SLC4A2: variants seen among roughly 807,000 people sequenced by gnomAD.
The protein encoded by SLC4A2 is anion exchange protein 2.
Under a neutral mutation model 115.0 loss-of-function variants are expected in SLC4A2, and 36 were observed. That is an observed-to-expected ratio of 0.31 (90% CI 0.24 to 0.41). SLC4A2 has a LOEUF of 0.41. Ranked by LOEUF, SLC4A2 falls within the 10% of genes least tolerant of loss-of-function variation. The probability of loss-of-function intolerance (pLI) is 1.00; values close to 1 mark genes in which losing one functional copy is unlikely to be tolerated. For synonymous variants in SLC4A2, 708 were observed against 708.3 expected, an observed-to-expected ratio of 1.00 and a Z score of 0.01; for missense variants, 1,252 against 1,705.6, an observed-to-expected ratio of 0.73 and a Z score of 4.68.
chr7:151,068,492 T>C (rs1797313176), intron 8 of SLC4A2, among the ~76,000 whole-genome samples: 1 of 152,068 alleles, frequency 6.6e-6, no homozygotes, highest in South Asian at 2.1e-4. Flanking sequence ...GCAGCTGAGG[T>C]TCTGTGGTTT....
chr7:151,061,723 GCCC>G (rs1167471016), intron 1 of SLC4A2, 199 bp from the exon 2 acceptor site: 1 of 471,902 alleles, frequency 2.1e-6, no homozygotes. Flanking sequence ...GCCCTTTTCG[GCCC>G]CCCTCGCCTC....
At position 151,075,682 on chromosome 7, in the gene SLC4A2, A is replaced by G. The variant is rs1797603493; in HGVS notation, c.3378A>G (p.Gly1126=). The G allele has an allele frequency of 6.2e-7, 1 of 1,611,842 alleles. No homozygotes were observed. Among genetic ancestry groups the G allele is most frequent in the Non-Finnish European group, 8.5e-7 (1 of 1,178,972 alleles). Residue 1126 remains glycine (G), a synonymous_variant, in exon 21 of 23, where the codon GGA becomes GGG. Transcript: ENST00000413384. Reference sequence around the variant, plus strand: ...TCTTTGGAATTTTCCTGTACATGGGAGTCACCTCCCTTAACGGGATCCAGT... The same window carrying G: ...TCTTTGGAATTTTCCTGTACATGGGGGTCACCTCCCTTAACGGGATCCAGT... The part of the protein sequence containing the change: ...AVLFGIFLYM[G]VTSLNGIQFY...
At position 151,070,767 on chromosome 7, in the gene SLC4A2, G is replaced by A. The variant is rs763187216; in HGVS notation, c.1605G>A (p.Val535=). The change falls in exon 12 of 23, where the codon GTG becomes GTA. Residue 535 remains valine (V), a synonymous_variant. Coordinates refer to ENST00000413384, the MANE Select transcript of SLC4A2 (RefSeq NM_003040.4). The part of the protein sequence containing the change: ...EFLSRPTMAF[V]RLREAVELDA... ...TCTCCCGCCCCACCATGGCCTTTGTGCGGCTCCGGGAGGCTGTGGAGTTGG... is the reference window on the plus strand; with the variant it reads ...TCTCCCGCCCCACCATGGCCTTTGTACGGCTCCGGGAGGCTGTGGAGTTGG... The A allele has an allele frequency of 4.3e-6, 7 of 1,613,950 alleles. No homozygotes were observed. The highest frequency in any genetic ancestry group is 1.1e-5 in the South Asian group (1 of 91,084).
In SLC4A2 at chr7:151,074,200, C is replaced by T. The variant is rs760547145; in HGVS notation, c.2697C>T (p.Asn899=). 1.9e-6 allele frequency: 3 copies of T among 1,613,096 alleles called. No homozygotes were observed. The highest frequency in any genetic ancestry group is 3.3e-5 in the Admixed American group (2 of 60,028). The change falls in exon 17 of 23, where the codon AAC becomes AAT. Residue 899 remains asparagine, a synonymous_variant. Transcript: ENST00000413384. ...SGQGKPRGQP[N]TALLSLVLMA... ...AGGGGAAGCCCCGGGGCCAGCCCAA[C>T]ACGGCCCTGCTGTCGCTGGTGCTCA...
intron 7 of SLC4A2, among the ~76,000 whole-genome samples, chr7:151,067,215 A>C (rs1797266044): frequency 6.6e-6 from 1 of 152,186 alleles, no homozygotes; most frequent in African/African-American, 2.4e-5. Flanking sequence ...CAGCCTCCTG[A>C]GTAGCTGGGA....
intron 2 of SLC4A2, chr7:151,062,993 C>A: frequency 7.0e-7 from 1 of 1,427,296 alleles, no homozygotes. Flanking sequence ...CTTGGAGATC[C>A]CGATGCCCTT....
chr7:151,074,636 C>A, intron 18 of SLC4A2, 39 bp from the exon 19 acceptor site: 1 of 1,576,742 alleles, frequency 6.3e-7, no homozygotes, highest in East Asian at 2.2e-5. Flanking sequence ...CCTCCACATT[C>A]ACCTTAACCC....
In SLC4A2 at chr7:151,076,484, C is replaced by T. The variant is rs1265639798; in HGVS notation, c.*117C>T. On this transcript the variant is annotated 3_prime_UTR_variant, in exon 23 of 23. Coordinates refer to ENST00000413384, the MANE Select transcript of SLC4A2 (RefSeq NM_003040.4). ...TTAAGTGAATAATTTAAAGTCTTCTCCTCCCCCACTGCCCCTGCAGTAAAG... is the reference window on the plus strand; with the variant it reads ...TTAAGTGAATAATTTAAAGTCTTCTTCTCCCCCACTGCCCCTGCAGTAAAG... 5 of 870,670 alleles carry T rather than the reference C, an allele frequency of 5.7e-6. No individual in the cohort carries two copies. The East Asian group carries it at 1.4e-4, about 25-fold the overall frequency. The allele number at this position is 870,670 out of a possible 1,614,324, so 53.9% of individuals were successfully genotyped here.
intron 2 of SLC4A2, 75 bp from the exon 3 acceptor site, chr7:151,064,127 A>G: frequency 6.6e-7 from 1 of 1,505,102 alleles, no homozygotes; most frequent in Non-Finnish European, 9.1e-7. Context: ...GGTCTCTGGC[A>G]CTGGGAAGGG....
In SLC4A2 at chr7:151,071,102, G is replaced by A. The variant is rs772627092; in HGVS notation, c.1780G>A (p.Glu594Lys). 63 of 1,612,504 alleles carry A rather than the reference G, an allele frequency of 3.9e-5. No homozygotes were observed. The East Asian group carries it at 5.8e-4, about 15-fold the overall frequency. The stretch of plus-strand genomic sequence containing the variant: ...CCACGAGGCAGCCTACCTGGCTGAC[G>A]AGCGGGAGGACCTGCTGACGGCCAT... ...QFHEAAYLAD[E>K]REDLLTAINA... Residue 594 changes from glutamate to lysine, a missense_variant, in exon 13 of 23, where the codon GAG (glutamate) becomes AAG (lysine). Glu to Lys is a moderately conservative substitution (Grantham distance 56). Around this residue, in one of 14 missense-constraint regions of SLC4A2, gnomAD observed 87 missense variants for 170.3 expected, o/e 0.51. Transcript: ENST00000413384. This position sits in a 1 kb window ranked among gnomAD's most constrained non-coding sequence, Gnocchi z 5.5.
In SLC4A2 at chr7:151,067,070, T is replaced by TCTTG; in HGVS notation, c.966+78_966+79insTTGC. The TCTTG allele has an allele frequency of 4.9e-6, 7 of 1,429,232 alleles. No homozygotes were observed. In the South Asian group the frequency reaches 9.6e-5, roughly 20 times the overall value. The allele number at this position is 1,429,232 out of a possible 1,614,324, so 88.5% of individuals were successfully genotyped here. ...CCTACCTCTCAGACCAGCTGTAATC[T>TCTTG]CAAGCCTCAGGGTTGCCACTGTTGT... On this transcript the variant is annotated intron_variant, in intron 7 of 22. Transcript: ENST00000413384.
intron 16 of SLC4A2, 31 bp downstream of exon 16, chr7:151,072,167 G>A: frequency 6.3e-7 from 1 of 1,589,782 alleles, no homozygotes; most frequent in Non-Finnish European, 8.6e-7. Flanking sequence ...AGCTGGGCCA[G>A]GAGGGCCGAG....
At chr7:151,069,158 A>AAAAAAAAAAAAAAAAAAGAAAAAG in intron 8 of SLC4A2, among the ~76,000 whole-genome samples, 1 of 148,282 alleles carries the variant, frequency 6.7e-6, no homozygotes. Flanking sequence ...AAAAAAAAAA[A>AAAAAAAAAAAAAAAAAAGAAAAAG]AGCAGCTGAG....
At chr7:151,074,960 C>A in intron 19 of SLC4A2, 119 bp downstream of exon 19, 2 of 1,039,306 alleles carry the variant, frequency 1.9e-6, no homozygotes, top group Non-Finnish European at 2.8e-6. Context: ...ACCTTGGATG[C>A]CCAGATGGCC....
intron 2 of SLC4A2, chr7:151,063,105 T>C: frequency 6.6e-7 from 1 of 1,524,196 alleles, no homozygotes; most frequent in Non-Finnish European, 8.8e-7. Flanking sequence ...CGGCTGCCGC[T>C]TAGCTGGGCT....
At chr7:151,063,291 G>A in intron 2 of SLC4A2, 2 of 949,536 alleles carry the variant, frequency 2.1e-6, no homozygotes, top group Non-Finnish European at 3.0e-6. Flanking sequence ...GGGCTGAAGG[G>A]CATCCATTCC....
intron 2 of SLC4A2, chr7:151,063,008 T>G (rs1797104613): frequency 6.9e-7 from 1 of 1,444,540 alleles, no homozygotes; most frequent in African/African-American, 1.5e-5. Flanking sequence ...GCCCTTCAGG[T>G]CCAGAAGCTC....
chr7:151,063,250 G>C, intron 2 of SLC4A2: 1 of 1,197,136 alleles, frequency 8.4e-7, no homozygotes, highest in Non-Finnish European at 1.1e-6. Context: ...GGCTCGGGCC[G>C]GGGGCCTGGG....
intron 5 of SLC4A2, 129 bp from the exon 6 acceptor site, chr7:151,066,388 T>C: frequency 8.7e-7 from 1 of 1,145,098 alleles, no homozygotes; most frequent in South Asian, 1.6e-5. Flanking sequence ...TGCCCGCACC[T>C]CCCGGGAGTG....
Sources: allele counts gnomAD v4.1 joint callset (sites outside exome capture counted in the v4.1 genomes callset), GRCh38; gene constraint gnomAD v4.1.1; regional missense constraint gnomAD v4.1.1; non-coding constraint Gnocchi (gnomAD v3.1); transcripts MANE v1.5; gene names NCBI Gene and HGNC (gene_info 2026-07-23, HGNC 2026-07-21).